The following TRAPPC9 variants were observed in gnomAD, a reference collection of about 807,000 sequenced individuals.
TRAPPC9 encodes the protein IKK2 binding protein.
In TRAPPC9, 83 loss-of-function variants were observed where a neutral mutation model predicts 124.0. The ratio of observed to expected loss-of-function variants is 0.67; its 90% CI spans 0.56 to 0.80. The LOEUF (loss-of-function observed/expected upper bound fraction) is 0.80. TRAPPC9 is among the 30% of genes least tolerant of loss of function. TRAPPC9 has a pLI of 0.00. For missense variants in TRAPPC9, 1,302 were observed against 1,508.3 expected (o/e 0.86, Z 2.27); for synonymous variants, 638 against 617.5 (o/e 1.03, Z -0.49).
intron 19 of TRAPPC9, among the ~76,000 whole-genome samples, chr8:139,971,289 C>T (rs540926889): frequency 6.6e-6 from 1 of 152,312 alleles, no homozygotes; most frequent in East Asian, 1.9e-4. Flanking sequence ...CCTGGACTAT[C>T]GTCTCTGCCC....
intron 17 of TRAPPC9, among the ~76,000 whole-genome samples, chr8:140,143,282 T>C (rs2061408437): frequency 6.6e-6 from 1 of 152,226 alleles, no homozygotes; most frequent in South Asian, 2.1e-4. Context: ...CCTGGCAGCA[T>C]GATCTGTGCC....
intron 21 of TRAPPC9, among the ~76,000 whole-genome samples, chr8:139,828,571 T>A (rs1051096256): frequency 6.6e-6 from 1 of 152,228 alleles, no homozygotes; most frequent in Non-Finnish European, 1.5e-5. Context: ...CATCCTGAGA[T>A]TTCCCGGCAT....
intron 17 of TRAPPC9, among the ~76,000 whole-genome samples, chr8:140,139,223 C>T (rs1333323280): frequency 6.6e-6 from 1 of 152,110 alleles, no homozygotes; most frequent in African/African-American, 2.4e-5. Context: ...TTCCCACTGC[C>T]GGGAGCCTGT....
Position 140,216,102 on chromosome 8 carries a change from G to A in TRAPPC9, c.2556+5357C>T, listed in dbSNP as rs2063186116. On this transcript the variant is annotated intron_variant, in intron 17 of 22. Transcript: ENST00000438773. This position sits in a 1 kb window ranked among gnomAD's most constrained non-coding sequence, Gnocchi z 4.1. ...CACAGTGTAACTGACAGAGACCAAA[G>A]TGGGTAACTTGGAGAGTGTGACATC... The A allele has an allele frequency of 6.6e-6, 1 of 152,238 alleles. No individual in the cohort carries two copies. The highest frequency in any genetic ancestry group is 1.5e-5 in the Non-Finnish European group (1 of 68,058). The allele number at this position is 152,238 out of a possible 1,614,324, so 9.4% of individuals were successfully genotyped here.
intron 17 of TRAPPC9, among the ~76,000 whole-genome samples, chr8:140,067,056 T>C (rs1842927621): frequency 1.3e-5 from 2 of 152,206 alleles, no homozygotes; most frequent in African/African-American, 4.8e-5. Context: ...TTTTGTCACA[T>C]ATCTGTTCAA....
At chr8:139,874,025 T>C (rs1376934753) in intron 21 of TRAPPC9, among the ~76,000 whole-genome samples, 1 of 152,206 alleles carries the variant, frequency 6.6e-6, no homozygotes, top group Non-Finnish European at 1.5e-5. Context: ...GGCAGGAGCA[T>C]GGGTCAGTCA....
At chr8:140,453,958 C>T (rs3115824) in intron 1 of TRAPPC9, among the ~76,000 whole-genome samples, 71,542 of 152,006 alleles carry the variant, frequency 0.47, 17,100 homozygotes, top group East Asian at 0.51. Flanking sequence ...AGGAGGAGAG[C>T]GCGGCCCACC....
At chr8:140,393,439 G>A (rs2068990332) in intron 7 of TRAPPC9, among the ~76,000 whole-genome samples, 1 of 152,052 alleles carries the variant, frequency 6.6e-6, no homozygotes, top group Non-Finnish European at 1.5e-5. Context: ...TATTAAATGA[G>A]GTATTTGCTG....
intron 17 of TRAPPC9, among the ~76,000 whole-genome samples, chr8:140,053,343 C>T (rs971179974): frequency 6.6e-6 from 1 of 152,206 alleles, no homozygotes; most frequent in Non-Finnish European, 1.5e-5. Flanking sequence ...AGTGTGCTGC[C>T]TAATTGGCAC....
intron 21 of TRAPPC9, among the ~76,000 whole-genome samples, chr8:139,778,556 T>A (rs1821556264): frequency 6.6e-6 from 1 of 152,214 alleles, no homozygotes; most frequent in African/African-American, 2.4e-5. Flanking sequence ...ATTCTATTTG[T>A]TCAAAAATTT....
chr8:139,814,978 G>A (rs574100469), intron 21 of TRAPPC9, among the ~76,000 whole-genome samples: 66 of 152,264 alleles, frequency 4.3e-4, no homozygotes, highest in Non-Finnish European at 8.7e-4. Context: ...CAGGAAACCC[G>A]CATGCTCCTT....
chr8:139,833,366 C>G (rs1324354094), intron 21 of TRAPPC9, among the ~76,000 whole-genome samples: 1 of 152,206 alleles, frequency 6.6e-6, no homozygotes, highest in Non-Finnish European at 1.5e-5. Flanking sequence ...GTCCCTCCTA[C>G]CTGCTGGGCC....
intron 7 of TRAPPC9, 113 bp downstream of exon 7, chr8:140,397,507 G>T: frequency 1.6e-6 from 2 of 1,242,392 alleles, no homozygotes; most frequent in Non-Finnish European, 1.2e-6. Context: ...AGATTCAACA[G>T]TTTTTATCAT....
chr8:140,215,738 G>T (rs976818883), intron 17 of TRAPPC9, among the ~76,000 whole-genome samples: 1 of 151,708 alleles, frequency 6.6e-6, no homozygotes. Context: ...CTAAACTTCC[G>T]CTTCCCCACT....
In TRAPPC9 at chr8:139,744,675, T is replaced by C. The variant is rs184188799; in HGVS notation, c.3056-12473A>G. ...CTCAATCCACCAAATGGCATGCGTT[T>C]TTAACAGTTACTGAGGGAGCTAATT... On this transcript the variant is annotated intron_variant, in intron 21 of 22. Transcript: ENST00000438773. Among the ~76,000 whole-genome samples the C allele has an allele frequency of 2.6e-3, 397 of 152,300 alleles. 2 individuals are homozygous for C. The highest frequency in any genetic ancestry group is 9.1e-3 in the African/African-American group (377 of 41,570).
chr8:140,168,406 G>A (rs949999956), intron 17 of TRAPPC9, among the ~76,000 whole-genome samples: 3 of 152,118 alleles, frequency 2.0e-5, no homozygotes, highest in African/African-American at 7.2e-5. Context: ...TTTAGCAGCT[G>A]ATGCCCCTTC....
At chr8:139,985,423 T>C (rs73725366) in intron 19 of TRAPPC9, among the ~76,000 whole-genome samples, 2,643 of 152,304 alleles carry the variant, frequency 0.017, 75 homozygotes, top group African/African-American at 0.06. Flanking sequence ...GACCCAGCAC[T>C]GCCAAAGGCG....
At chr8:139,948,207 A>AT (rs1221487961) in intron 19 of TRAPPC9, among the ~76,000 whole-genome samples, 1 of 151,604 alleles carries the variant, frequency 6.6e-6, no homozygotes, top group African/African-American at 2.4e-5. Flanking sequence ...GAACAAAACG[A>AT]AGAGCCCTCC....
At chr8:139,783,984 C>G (rs1184126979) in intron 21 of TRAPPC9, among the ~76,000 whole-genome samples, 1 of 152,170 alleles carries the variant, frequency 6.6e-6, no homozygotes, top group Non-Finnish European at 1.5e-5. Flanking sequence ...CAAGCCAGGA[C>G]AGGAGAGAGG....
Sources: allele counts gnomAD v4.1 joint callset (sites outside exome capture counted in the v4.1 genomes callset), GRCh38; gene constraint gnomAD v4.1.1; non-coding constraint Gnocchi (gnomAD v3.1); transcripts MANE v1.5; gene names NCBI Gene and HGNC (gene_info 2026-07-23, HGNC 2026-07-21).